The following ADGRG7 variants were observed in gnomAD, a reference collection of about 807,000 sequenced individuals.
The protein encoded by ADGRG7 is G-protein coupled receptor 128.
ADGRG7 carries 82 observed loss-of-function variants against 88.6 expected under a neutral mutation model. The ratio of observed to expected loss-of-function variants is 0.93; its 90% CI spans 0.77 to 1.11. The LOEUF is 1.11. Ranked by LOEUF, ADGRG7 falls within the 50% of genes most tolerant of loss-of-function variation. The pLI, the probability that ADGRG7 is intolerant of heterozygous loss-of-function variation, is 0.00. For synonymous variants in ADGRG7, 381 were observed against 345.2 expected (o/e 1.10, Z -1.15); for missense variants, 945 against 953.4 (o/e 0.99, Z 0.12).
intron 11 of ADGRG7, among the ~76,000 whole-genome samples, chr3:100,652,506 A>G (rs2094931258): frequency 6.6e-6 from 1 of 152,206 alleles, no homozygotes; most frequent in African/African-American, 2.4e-5. Context: ...GAGATTTTAT[A>G]ACTTTTATTG....
chr3:100,672,036 T>A (rs1676329), intron 15 of ADGRG7, among the ~76,000 whole-genome samples: 1 of 152,038 alleles, frequency 6.6e-6, no homozygotes, highest in Non-Finnish European at 1.5e-5. Context: ...CTTGGCTATG[T>A]GGGCTCTTTT....
intron 4 of ADGRG7, chr3:100,635,449 C>A (rs1042161688): frequency 2.3e-6 from 2 of 875,344 alleles, no homozygotes; most frequent in Non-Finnish European, 1.6e-6. Context: ...CTAAGGCAGC[C>A]CCTTATAGTT....
rs1215738109 is a variant in ADGRG7, at chr3:100,654,953, G to A, written c.1498G>A (p.Asp500Asn). Residue 500 changes from aspartate to asparagine, a missense_variant, in exon 12 of 16, where the codon GAT becomes AAT. Coordinates refer to ENST00000273352, the MANE Select transcript of ADGRG7 (RefSeq NM_032787.3). ...CTCCAATAAGAACTTGCAGACAAGTGATGGTGACATCAATAATATTGACTT... is the reference window on the plus strand; with the variant it reads ...CTCCAATAAGAACTTGCAGACAAGTAATGGTGACATCAATAATATTGACTT... ...ENSNKNLQTSDGDINNIDFDN... is the reference protein window; with the variant it reads ...ENSNKNLQTSNGDINNIDFDN... The A allele has an allele frequency of 1.2e-6, 2 of 1,613,896 alleles. No individual in the cohort carries two copies. Among genetic ancestry groups the A allele is most frequent in the African/African-American group, 2.7e-5 (2 of 74,904 alleles).
At position 100,649,547 on chromosome 3, in the gene ADGRG7, C is replaced by T. The variant is rs551117899; in HGVS notation, c.1267-148C>T. ...TCAGCAATAAGGGGTTAATGTATTT[C>T]GCTTTTAAATATATCATGAGCTTTA... is the stretch of plus-strand genomic sequence containing the variant. On this transcript the variant is annotated intron_variant, in intron 10 of 15. Coordinates refer to ENST00000273352, the MANE Select transcript of ADGRG7 (RefSeq NM_032787.3). 1.8e-4 allele frequency: 91 copies of T among 511,042 alleles called. No individual in the cohort carries two copies. In the Middle Eastern group the frequency reaches 3.1e-3, roughly 17 times the overall value. 31.7% of individuals were successfully genotyped at this position (511,042 alleles called of 1,614,324 possible).
At chr3:100,679,771 A>G (rs940360345) in intron 15 of ADGRG7, among the ~76,000 whole-genome samples, 5 of 152,066 alleles carry the variant, frequency 3.3e-5, no homozygotes, top group African/African-American at 1.2e-4. Flanking sequence ...CTTTTCTCCT[A>G]TGTAAGGGGT....
In ADGRG7 at chr3:100,655,149, A is replaced by G; in HGVS notation, c.1694A>G (p.His565Arg). Reference sequence around the variant, plus strand: ...AGGACCATGAAGCCTCTTCCTCGGCATTTCATTCTTTTCATCTCATTAATT... The same window carrying G: ...AGGACCATGAAGCCTCTTCCTCGGCGTTTCATTCTTTTCATCTCATTAATT... The part of the protein sequence containing the change: ...LIRTMKPLPR[H>R]FILFISLIGW... The change falls in exon 12 of 16, where the codon CAT becomes CGT. Residue 565 changes from histidine to arginine, a missense_variant. His to Arg is a conservative substitution (Grantham distance 29). Coordinates refer to ENST00000273352, the MANE Select transcript of ADGRG7 (RefSeq NM_032787.3). The G allele has an allele frequency of 1.2e-6, 2 of 1,611,706 alleles. No homozygotes were observed. The highest frequency in any genetic ancestry group is 8.5e-7 in the Non-Finnish European group (1 of 1,178,298).
chr3:100,649,811 A>G lies in ADGRG7; in HGVS notation c.1379+4A>G. ...TTATATTTCAGATTGTCACCAGGTA[A>G]GAGCAGAAGCAGGCTCTTTTCAGAA... On this transcript the variant is annotated splice_donor_region_variant and intron_variant, in intron 11 of 15. Coordinates refer to ENST00000273352, the MANE Select transcript of ADGRG7 (RefSeq NM_032787.3). 2.6e-6 allele frequency: 4 copies of G among 1,517,450 alleles called. No individual in the cohort carries two copies. The highest frequency in any genetic ancestry group is 2.7e-6 in the Non-Finnish European group (3 of 1,095,078). 94.0% of individuals were successfully genotyped at this position (1,517,450 alleles called of 1,614,324 possible).
intron 15 of ADGRG7, among the ~76,000 whole-genome samples, chr3:100,678,868 C>T (rs2094969099): frequency 6.6e-6 from 1 of 152,202 alleles, no homozygotes; most frequent in Non-Finnish European, 1.5e-5. Flanking sequence ...CACAAGTACC[C>T]TTGTGGCCAC....
In ADGRG7 at chr3:100,646,102, T is replaced by C; in HGVS notation, c.1104T>C (p.Ser368=). 1 of 1,610,544 alleles carries C rather than the reference T, an allele frequency of 6.2e-7. No homozygotes were observed. Among genetic ancestry groups the C allele is most frequent in the African/African-American group, 1.3e-5 (1 of 74,436 alleles). ...GTGCTTCTGTTGACATGGTCTTTAG[T>C]CCAAAGGTGAGTTTTTCATTGCAGA... ...DQSASVDMVF[S]PKYNQKEFQL... Residue 368 remains serine (S), a synonymous_variant, in exon 9 of 16, where the codon AGT becomes AGC. Transcript: ENST00000273352.
intron 6 of ADGRG7, among the ~76,000 whole-genome samples, chr3:100,639,566 A>G (rs1490809141): frequency 2.0e-5 from 3 of 152,212 alleles, no homozygotes; most frequent in Non-Finnish European, 2.9e-5. Flanking sequence ...TTTTCTTGAC[A>G]TATGAGAAGG....
intron 15 of ADGRG7, among the ~76,000 whole-genome samples, chr3:100,678,892 G>A (rs1244895686): frequency 1.3e-5 from 2 of 152,224 alleles, no homozygotes; most frequent in Non-Finnish European, 2.9e-5. Context: ...CACTGGGACT[G>A]CGCTGGGTCA....
intron 15 of ADGRG7, among the ~76,000 whole-genome samples, chr3:100,679,066 A>G (rs983217534): frequency 2.0e-5 from 3 of 152,240 alleles, no homozygotes; most frequent in Non-Finnish European, 4.4e-5. Context: ...CCCTGTCCCC[A>G]GGTCGGTCCA....
At chr3:100,646,746 T>A (rs1235147989) in intron 10 of ADGRG7, 22 bp downstream of exon 10, 15 of 1,594,774 alleles carry the variant, frequency 9.4e-6, no homozygotes, top group Non-Finnish European at 1.1e-5. Context: ...CATAGCAATC[T>A]CTTTCCAGAT....
intron 15 of ADGRG7, among the ~76,000 whole-genome samples, chr3:100,681,517 G>A (rs925245460): frequency 1.3e-5 from 2 of 151,902 alleles, no homozygotes; most frequent in Non-Finnish European, 2.9e-5. Context: ...CACCATGTTG[G>A]CCAGGCTGGT....
At chr3:100,610,845 G>A (rs1299720738) in intron 1 of ADGRG7, among the ~76,000 whole-genome samples, 1 of 152,194 alleles carries the variant, frequency 6.6e-6, no homozygotes, top group African/African-American at 2.4e-5. Context: ...TATGCCCTCT[G>A]AGCAGGTAAC....
chr3:100,628,268 T>A (rs996869316), intron 1 of ADGRG7, among the ~76,000 whole-genome samples: 21 of 152,192 alleles, frequency 1.4e-4, no homozygotes, highest in Admixed American at 9.2e-4. Context: ...AGTTTTTTTT[T>A]TAAAAACGTT....
chr3:100,647,467 A>T (rs1432732717), intron 10 of ADGRG7, among the ~76,000 whole-genome samples: 1 of 152,238 alleles, frequency 6.6e-6, no homozygotes, highest in Non-Finnish European at 1.5e-5. Flanking sequence ...TGCTCAGGTT[A>T]CTAAGTTTTT....
intron 13 of ADGRG7, among the ~76,000 whole-genome samples, chr3:100,656,575 G>C (rs996906405): frequency 1.5e-4 from 23 of 152,066 alleles, no homozygotes; most frequent in Non-Finnish European, 2.8e-4. Context: ...TTTTTTGTGT[G>C]GGGGAGAAAA....
intron 9 of ADGRG7, 120 bp downstream of exon 9, chr3:100,646,228 G>GTT: frequency 3.0e-5 from 6 of 199,622 alleles, no homozygotes; most frequent in South Asian, 4.8e-5. Context: ...GGGGGGGAGG[G>GTT]TTTTCCATGA....
Sources: allele counts gnomAD v4.1 joint callset (sites outside exome capture counted in the v4.1 genomes callset), GRCh38; gene constraint gnomAD v4.1.1; transcripts MANE v1.5; gene names NCBI Gene and HGNC (gene_info 2026-07-23, HGNC 2026-07-21).